The following SPAG9 variants were observed in gnomAD, a reference collection of about 807,000 sequenced individuals.
The protein encoded by SPAG9 is sperm associated antigen 9.
A neutral mutation model predicts 166.5 loss-of-function variants in SPAG9; 35 were observed. The observed-to-expected ratio is 0.21, with a 90% CI of 0.16 to 0.28. SPAG9 has a LOEUF of 0.28. Among genes scored for constraint, SPAG9 ranks in the 10% least tolerant of loss-of-function variants. The probability of loss-of-function intolerance (pLI) is 1.00; values close to 1 mark genes in which losing one functional copy is unlikely to be tolerated. For missense variants in SPAG9, 1,235 were observed against 1,603.3 expected (o/e 0.77, Z 3.92); for synonymous variants, 534 against 565.5 (o/e 0.94, Z 0.79).
intron 24 of SPAG9, among the ~76,000 whole-genome samples, chr17:50,984,538 T>A (rs975806282): frequency 6.6e-6 from 1 of 151,936 alleles, no homozygotes; most frequent in Admixed American, 6.6e-5. Flanking sequence ...TACAAAAAAA[T>A]TAGCTGGTCG....
rs1019577629 is a variant in SPAG9 at position 50,966,163 on chromosome 17, C to T, written c.*109G>A. 3 of 760,478 alleles carry T rather than the reference C, an allele frequency of 3.9e-6. No individual in the cohort carries two copies. Among genetic ancestry groups the T allele is most frequent in the African/African-American group, 3.5e-5 (2 of 57,902 alleles). The allele number at this position is 760,478 out of a possible 1,614,324, so 47.1% of individuals were successfully genotyped here. A position where few individuals can be genotyped will look rare whatever the true frequency, so the allele number is the denominator to read the frequency against. On this transcript the variant is annotated 3_prime_UTR_variant, in exon 30 of 30. Coordinates refer to ENST00000262013, the MANE Select transcript of SPAG9 (RefSeq NM_001130528.3). The stretch of plus-strand genomic sequence containing the variant: ...AAGTTAACAGGAAAAAATGCTCACA[C>T]ATTATGTGGTGAAACTTATCTCACA...
chr17:50,991,123 T>G (rs1374426399), intron 19 of SPAG9, among the ~76,000 whole-genome samples: 2 of 151,918 alleles, frequency 1.3e-5, no homozygotes, highest in Non-Finnish European at 2.9e-5. Context: ...GTCAGGCTGG[T>G]CTTGAACTCC....
chr17:50,962,926 C>T lies in SPAG9; in HGVS notation c.*3346G>A, dbSNP rs1488962851. Reference sequence around the variant, plus strand: ...TGCTCAAAATGTTTTATACTCTCCACAAGCTGCAATTAAGAGATTCATTCC... The same window carrying T: ...TGCTCAAAATGTTTTATACTCTCCATAAGCTGCAATTAAGAGATTCATTCC... On this transcript the variant is annotated 3_prime_UTR_variant, in exon 30 of 30. Transcript: ENST00000262013. The T allele has an allele frequency of 3.3e-5, 5 of 152,202 alleles. No individual in the cohort carries two copies. The highest frequency in any genetic ancestry group is 6.5e-5 in the Admixed American group (1 of 15,270). 9.4% of individuals were successfully genotyped at this position (152,202 alleles called of 1,614,324 possible). A position where few individuals can be genotyped will look rare whatever the true frequency, so the allele number is the denominator to read the frequency against.
At chr17:50,974,367 A>G (rs1157420821) in intron 28 of SPAG9, among the ~76,000 whole-genome samples, 1 of 152,188 alleles carries the variant, frequency 6.6e-6, no homozygotes, top group Non-Finnish European at 1.5e-5. Flanking sequence ...CTCCTAGTTC[A>G]CTGCTTTTTC....
rs763448790 is a variant in SPAG9, at chr17:50,996,686, G to A, written c.1847C>T (p.Ala616Val). 2 of 1,613,856 alleles carry A rather than the reference G, an allele frequency of 1.2e-6. No individual in the cohort carries two copies. Among genetic ancestry groups the A allele is most frequent in the Non-Finnish European group, 1.7e-6 (2 of 1,179,930 alleles). ...TTGTTCTCTGCGTGAGGCTAAACTA[G>A]CTTCAGTTCTAAAAGGAAAAAAGAT... ...AFDFLSEETE[A>V]SLASRREQKR... is the part of the protein sequence containing the mutation. The change falls in exon 16 of 30, where the codon GCT (alanine) becomes GTT (valine). Residue 616 changes from alanine to valine, a missense_variant. Physicochemically the swap from Ala to Val is moderately conservative, Grantham distance 64. Coordinates refer to ENST00000262013, the MANE Select transcript of SPAG9 (RefSeq NM_001130528.3).
At chr17:51,064,369 T>C (rs1406433918) in intron 2 of SPAG9, among the ~76,000 whole-genome samples, 1 of 152,210 alleles carries the variant, frequency 6.6e-6, no homozygotes, top group South Asian at 2.1e-4. Flanking sequence ...CCCAAAGTGG[T>C]TGTTCATTAT....
chr17:51,080,643 G>A (rs1205390465), intron 1 of SPAG9, among the ~76,000 whole-genome samples: 2 of 152,008 alleles, frequency 1.3e-5, no homozygotes, highest in Admixed American at 6.6e-5. Flanking sequence ...AGCACTTTGC[G>A]AGGCTGAGGA....
intron 6 of SPAG9, among the ~76,000 whole-genome samples, chr17:51,030,438 A>T (rs1470053678): frequency 2.0e-5 from 3 of 152,224 alleles, no homozygotes; most frequent in Non-Finnish European, 4.4e-5. Flanking sequence ...AGCCCCACAT[A>T]GGATCCCTCA....
intron 2 of SPAG9, among the ~76,000 whole-genome samples, chr17:51,057,606 G>A (rs1159123869): frequency 6.6e-6 from 1 of 152,188 alleles, no homozygotes; most frequent in Non-Finnish European, 1.5e-5. Context: ...TTTTGGGTTT[G>A]TGTACCTTTA....
chr17:51,084,949 CA>C (rs1163008934), intron 1 of SPAG9, among the ~76,000 whole-genome samples: 7 of 152,128 alleles, frequency 4.6e-5, no homozygotes, highest in African/African-American at 1.7e-4. Flanking sequence ...CTCCCAGGTT[CA>C]AGCAATTCTC....
At position 51,021,328 on chromosome 17, in the gene SPAG9, G is replaced by A. The variant is rs774533168; in HGVS notation, c.821C>T (p.Ala274Val). 6.2e-7 allele frequency: 1 copy of A among 1,613,852 alleles called. No homozygotes were observed. Among genetic ancestry groups the A allele is most frequent in the East Asian group, 2.2e-5 (1 of 44,874 alleles). ...LSDVSQGGSK[A>V]TTPASTANSD... ...ATTAGCTGTTGATGCTGGAGTGGTAGCTTTAGATCCGCCTTGGCTAACATC... is the reference window on the plus strand; with the variant it reads ...ATTAGCTGTTGATGCTGGAGTGGTAACTTTAGATCCGCCTTGGCTAACATC... The change falls in exon 7 of 30, where the codon GCT becomes GTT. Residue 274 changes from alanine (A) to valine (V), a missense_variant. Around this residue, in one of 6 missense-constraint regions of SPAG9, gnomAD observed 288 missense variants for 323.7 expected, o/e 0.89. Transcript: ENST00000262013.
chr17:51,012,323 G>C (rs2045519118), intron 9 of SPAG9, among the ~76,000 whole-genome samples: 1 of 152,074 alleles, frequency 6.6e-6, no homozygotes, highest in Non-Finnish European at 1.5e-5. Context: ...TGTAATCCCA[G>C]CACTCTGGGA....
At chr17:51,091,914 T>C (rs1034409178) in intron 1 of SPAG9, among the ~76,000 whole-genome samples, 17 of 149,142 alleles carry the variant, frequency 1.1e-4, no homozygotes, top group Admixed American at 2.0e-4. Context: ...AGATGGCTTA[T>C]AGGGACTGTT....
intron 3 of SPAG9, among the ~76,000 whole-genome samples, chr17:51,053,854 A>AAAAATATATATATAT (rs1491529465): frequency 2.9e-5 from 1 of 34,452 alleles, no homozygotes; most frequent in Non-Finnish European, 4.6e-5. Context: ...AAAAAAAAAA[A>AAAAATATATATATAT]GTATATATAT....
At chr17:51,058,624 T>C (rs1337281172) in intron 2 of SPAG9, among the ~76,000 whole-genome samples, 1 of 152,196 alleles carries the variant, frequency 6.6e-6, no homozygotes, top group African/African-American at 2.4e-5. Flanking sequence ...CCTCTGTTCT[T>C]ACAGAAACAA....
chr17:51,120,206 G>A lies in SPAG9; in HGVS notation c.303+148C>T, dbSNP rs529350079. ...CGGCCTGGCTCCCGGGGTACCTGGA[G>A]GCCGCCGGGATCGGTCCCAGGGGGC... On this transcript the variant is annotated intron_variant, in intron 1 of 29. Coordinates refer to ENST00000262013, the MANE Select transcript of SPAG9 (RefSeq NM_001130528.3). This position sits in a 1 kb window ranked among gnomAD's most constrained non-coding sequence, Gnocchi z 4.7. 1.6e-6 allele frequency: 1 copy of A among 615,114 alleles called. No homozygotes were observed. Among genetic ancestry groups the A allele is most frequent in the Non-Finnish European group, 2.5e-6 (1 of 399,914 alleles). 38.1% of individuals were successfully genotyped at this position (615,114 alleles called of 1,614,324 possible).
intron 1 of SPAG9, among the ~76,000 whole-genome samples, chr17:51,080,618 C>T (rs892789162): frequency 1.3e-5 from 2 of 152,036 alleles, no homozygotes; most frequent in African/African-American, 4.8e-5. Context: ...TGTGGTGGCT[C>T]ACGCCTGTAA....
At chr17:51,011,451 T>C (rs1318535837) in intron 9 of SPAG9, among the ~76,000 whole-genome samples, 1 of 151,880 alleles carries the variant, frequency 6.6e-6, no homozygotes, top group Non-Finnish European at 1.5e-5. Flanking sequence ...GGTGCAATCT[T>C]GGCTCTCCGC....
chr17:50,968,500 G>A (rs1973528416), intron 29 of SPAG9, among the ~76,000 whole-genome samples: 1 of 152,172 alleles, frequency 6.6e-6, no homozygotes, highest in Non-Finnish European at 1.5e-5. Context: ...GGAGGCTGAG[G>A]CAGGTGGACT....
Sources: gnomAD v4.1 joint callset for allele counts (sites outside exome capture counted in the v4.1 genomes callset) on GRCh38, gnomAD v4.1.1 for gene constraint, gnomAD v4.1.1 regional missense constraint, Gnocchi (gnomAD v3.1) non-coding constraint, MANE v1.5 for transcripts, NCBI Gene and HGNC (gene_info 2026-07-23, HGNC 2026-07-21) for gene names.